Variants in PRKG2 observed in about 807,000 individuals in gnomAD.
PRKG2 encodes the protein protein kinase cGMP-dependent 2.
A neutral mutation model predicts 97.2 loss-of-function variants in PRKG2; 33 were observed. That is an observed-to-expected ratio of 0.34 (90% confidence interval 0.26 to 0.45). The LOEUF is 0.45. Ranked by LOEUF, PRKG2 falls within the 20% of genes least tolerant of loss-of-function variation. PRKG2 has a pLI of 1.00. For missense variants in PRKG2, 638 were observed against 900.0 expected, an observed-to-expected ratio of 0.71 and a Z score of 3.73; for synonymous variants, 330 against 321.8, an observed-to-expected ratio of 1.03 and a Z score of -0.27.
intron 14 of PRKG2, 139 bp from the exon 15 acceptor site, chr4:81,110,750 A>ACAGAGAG: frequency 5.6e-6 from 2 of 358,506 alleles, no homozygotes; most frequent in Non-Finnish European, 4.7e-6. Context: ...CACACACACA[A>ACAGAGAG]AGAGAGAGAG....
At chr4:81,126,974 G>T (rs1231770875) in intron 14 of PRKG2, among the ~76,000 whole-genome samples, 1 of 152,090 alleles carries the variant, frequency 6.6e-6, no homozygotes, top group Non-Finnish European at 1.5e-5. Context: ...GTACCGCCTA[G>T]GTTTCCTTCT....
chr4:81,118,338 G>A (rs66753456), intron 14 of PRKG2, among the ~76,000 whole-genome samples: 31,394 of 152,080 alleles, frequency 0.21, 4,032 homozygotes, highest in East Asian at 0.46. Flanking sequence ...GTTTTCAACT[G>A]CTTTCCATGA....
intron 2 of PRKG2, among the ~76,000 whole-genome samples, chr4:81,189,092 A>AG (rs1752227891): frequency 8.6e-6 from 1 of 116,876 alleles, no homozygotes; most frequent in Admixed American, 7.9e-5. Context: ...AAAAAAAAAA[A>AG]GAAGCTAGCA....
At chr4:81,097,789 T>C (rs182707563) in intron 17 of PRKG2, among the ~76,000 whole-genome samples, 37 of 152,320 alleles carry the variant, frequency 2.4e-4, no homozygotes, top group Non-Finnish European at 4.6e-4. Context: ...TGACAGCTTC[T>C]GACTTTTCTT....
intron 13 of PRKG2, 99 bp downstream of exon 13, chr4:81,137,294 T>C: frequency 1.1e-6 from 1 of 904,424 alleles, no homozygotes. Context: ...CAAGGGATAT[T>C]TTGTTATAAT....
chr4:81,174,682 G>A (rs1449729359), intron 3 of PRKG2, 111 bp downstream of exon 3: 29 of 1,109,102 alleles, frequency 2.6e-5, no homozygotes, highest in African/African-American at 1.1e-4. Flanking sequence ...GATTCAATAT[G>A]TTATGTTTTC....
At chr4:81,145,082 C>A (rs61370231) in intron 9 of PRKG2, among the ~76,000 whole-genome samples, 6,925 of 152,084 alleles carry the variant, frequency 0.046, 542 homozygotes, top group African/African-American at 0.16. Context: ...GTGCATGAGT[C>A]TTTATAGCAG....
chr4:81,116,979 T>C (rs1744596632), intron 14 of PRKG2, among the ~76,000 whole-genome samples: 3 of 147,838 alleles, frequency 2.0e-5, no homozygotes, highest in Admixed American at 2.0e-4. Context: ...ATTTACCCTG[T>C]TGTTACTTTT....
At chr4:81,093,349 T>A (rs940236141) in intron 17 of PRKG2, among the ~76,000 whole-genome samples, 1 of 141,604 alleles carries the variant, frequency 7.1e-6, no homozygotes. Context: ...AAATTGAAAC[T>A]CTCCCCCACC....
In PRKG2 at chr4:81,087,645, C is replaced by T. The variant is rs1741227552; in HGVS notation, c.*2063G>A. On this transcript the variant is annotated 3_prime_UTR_variant, in exon 19 of 19. Transcript: ENST00000264399. ...AAATATTACTTTACTCTGCCTTTTT[C>T]TATGAATGAGAAAGCTAGTACTCAA... is the stretch of plus-strand genomic sequence containing the variant. 1 of 152,052 alleles carries T rather than the reference C, an allele frequency of 6.6e-6. No homozygotes were observed. 9.4% of individuals were successfully genotyped at this position (152,052 alleles called of 1,614,324 possible). A position where few individuals can be genotyped will look rare whatever the true frequency, so the allele number is the denominator to read the frequency against.
chr4:81,105,133 T>C (rs1251102943), intron 16 of PRKG2, among the ~76,000 whole-genome samples: 1 of 152,188 alleles, frequency 6.6e-6, no homozygotes, highest in Non-Finnish European at 1.5e-5. Context: ...AGAAAATTCG[T>C]TACGCGTATA....
In PRKG2 at chr4:81,163,863, TACACACAC is replaced by T. The variant is rs5859761; in HGVS notation, c.912+3290_912+3297del. Among the ~76,000 whole-genome samples, 1,050 of 144,708 alleles carry T rather than the reference TACACACAC, an allele frequency of 7.3e-3. 15 individuals are homozygous for T. Among genetic ancestry groups the T allele is most frequent in the East Asian group, 0.065 (326 of 4,980 alleles). 94.9% of individuals were successfully genotyped at this position (144,708 alleles called of 152,430 possible). On this transcript the variant is annotated intron_variant, in intron 6 of 18. Coordinates refer to ENST00000264399, the MANE Select transcript of PRKG2 (RefSeq NM_006259.3). ...TGATGATATACAACCAGATGTATAG[TACACACAC>T]ACACACACACACACACACACACACA...
chr4:81,154,073 C>T (rs1447146111), intron 6 of PRKG2: 2 of 178,296 alleles, frequency 1.1e-5, no homozygotes, highest in Admixed American at 5.9e-5. Context: ...CTTAAAAAAA[C>T]GGCGCACCAC....
chr4:81,167,191 T>C lies in PRKG2; in HGVS notation c.882A>G (p.Lys294=), dbSNP rs56210303. ...VSLLKNLPED[K]LTKIIDCLEV... ...CCAAGCAGTCAATGATCTTGGTTAA[T>C]TTATCTTCAGGTAAATTCTTCAGCA... The change falls in exon 6 of 19, where the codon AAA becomes AAG. Residue 294 remains lysine, a synonymous_variant. Transcript: ENST00000264399. 1,600 of 1,593,624 alleles carry C rather than the reference T, an allele frequency of 1.0e-3. 3 individuals are homozygous for C. The highest frequency in any genetic ancestry group is 1.3e-3 in the Non-Finnish European group (1,490 of 1,171,690).
chr4:81,138,865 T>C (rs1210667401), intron 12 of PRKG2, among the ~76,000 whole-genome samples: 1 of 152,152 alleles, frequency 6.6e-6, no homozygotes. Flanking sequence ...ATAAAGATAA[T>C]TGGATGACTC....
chr4:81,156,079 A>G (rs897391729), intron 6 of PRKG2, among the ~76,000 whole-genome samples: 2 of 152,180 alleles, frequency 1.3e-5, no homozygotes, highest in Non-Finnish European at 2.9e-5. Context: ...ACACATAACA[A>G]TGTTAACTTT....
chr4:81,152,878 G>A (rs1260989326), intron 7 of PRKG2, among the ~76,000 whole-genome samples: 1 of 152,110 alleles, frequency 6.6e-6, no homozygotes, highest in Non-Finnish European at 1.5e-5. Flanking sequence ...TCCTTCACTT[G>A]GGGCCAAATT....
intron 2 of PRKG2, among the ~76,000 whole-genome samples, chr4:81,186,063 A>T (rs536533621): frequency 6.6e-6 from 1 of 152,250 alleles, no homozygotes; most frequent in East Asian, 1.9e-4. Context: ...AGACAGATCA[A>T]CAAGACAGAA....
intron 14 of PRKG2, among the ~76,000 whole-genome samples, chr4:81,128,565 T>G (rs974647240): frequency 6.6e-6 from 1 of 152,142 alleles, no homozygotes; most frequent in African/African-American, 2.4e-5. Context: ...CTTGGGAGGG[T>G]GTATGTGTCC....
Sources: gnomAD v4.1 joint callset for allele counts (sites outside exome capture counted in the v4.1 genomes callset) on GRCh38, gnomAD v4.1.1 for gene constraint, MANE v1.5 for transcripts, NCBI Gene and HGNC (gene_info 2026-07-23, HGNC 2026-07-21) for gene names.